ZNF641: variants seen among roughly 807,000 people sequenced by gnomAD.
ZNF641 encodes the protein zinc finger protein 641.
ZNF641 carries 26 observed loss-of-function variants against 46.2 expected under a neutral mutation model. That is an observed-to-expected ratio of 0.56 (90% confidence interval 0.41 to 0.78). ZNF641 has a LOEUF of 0.78. Ranked by LOEUF, ZNF641 falls within the 30% of genes least tolerant of loss-of-function variation. ZNF641 has a pLI of 0.00. For synonymous variants in ZNF641, 163 were observed against 187.9 expected (o/e 0.87, Z 1.09); for missense variants, 469 against 517.8 (o/e 0.91, Z 0.91).
rs776373707 is a variant in ZNF641, at chr12:48,343,470, C to A, written c.778G>T (p.Val260Leu). The stretch of plus-strand genomic sequence containing the variant: ...TGCCTGGCAAGGTGGGAACCCCATA[C>A]AAACTGTTTCCCACACTGGGGGCAT... ...HTCPQCGKQF[V>L]WGSHLARHQQ... The change falls in exon 6 of 6, where the codon GTA (valine) becomes TTA (leucine). Residue 260 changes from valine to leucine, a missense_variant. By Grantham distance (32) the Val-to-Leu change is conservative. This residue lies in a region of ZNF641 where 346 missense variants were observed against 354.0 expected (regional missense o/e 0.98). Coordinates refer to ENST00000547026, the MANE Select transcript of ZNF641 (RefSeq NM_001172681.2). 1 of 1,614,060 alleles carries A rather than the reference C, an allele frequency of 6.2e-7. No homozygotes were observed. The highest frequency in any genetic ancestry group is 8.5e-7 in the Non-Finnish European group (1 of 1,179,924).
rs1315675148 is a variant in ZNF641, at chr12:48,339,808, G to T, written c.*3165C>A. On this transcript the variant is annotated 3_prime_UTR_variant, in exon 6 of 6. Transcript: ENST00000547026. ...AAGCCATAACATTACTTTGACAAGG[G>T]AAAAGTTTTTCCTTCCACAATTAGA... 3 of 530,334 alleles carry T rather than the reference G, an allele frequency of 5.7e-6. No homozygotes were observed. Among genetic ancestry groups the T allele is most frequent in the Non-Finnish European group, 7.2e-6 (3 of 413,900 alleles). The allele number at this position is 530,334 out of a possible 1,614,324, so 32.9% of individuals were successfully genotyped here. A position where few individuals can be genotyped will look rare whatever the true frequency, so the allele number is the denominator to read the frequency against.
rs182137970 is a variant in ZNF641, at chr12:48,347,109, G to A, written c.276+143C>T. The A allele has an allele frequency of 3.3e-4, 473 of 1,432,480 alleles. 3 individuals carry two copies. In the African/African-American group the frequency reaches 6.4e-3, roughly 19 times the overall value. 88.7% of individuals were successfully genotyped at this position (1,432,480 alleles called of 1,614,324 possible). A position where few individuals can be genotyped will look rare whatever the true frequency, so the allele number is the denominator to read the frequency against. On this transcript the variant is annotated intron_variant, in intron 3 of 5. Coordinates refer to ENST00000547026, the MANE Select transcript of ZNF641 (RefSeq NM_001172681.2). ...TTTTCCAAGGGTCTTATGACCCCTT[G>A]GAAAGGGATAGAATCTATTCAGTTA... is the stretch of plus-strand genomic sequence containing the variant.
chr12:48,350,921 C>A (rs550747873), upstream of ZNF641: 1 of 930,570 alleles, frequency 1.1e-6, no homozygotes, highest in South Asian at 4.9e-5. Context: ...CCGGCAGGCG[C>A]GGGCGGGGCG....
Position 48,348,040 on chromosome 12 carries a change from A to G in ZNF641, c.51T>C (p.Asn17=). 6.2e-7 allele frequency: 1 copy of G among 1,614,158 alleles called. No homozygotes were observed. The highest frequency in any genetic ancestry group is 8.5e-7 in the Non-Finnish European group (1 of 1,180,034). ...GGGGCTCTGCTCCATCCAGCTGTAC[A>G]TTCATTGATTCCCATCCTGTCCCCA... ...AALGTGWESM[N]VQLDGAEPQV... The change falls in exon 2 of 6, where the codon AAT becomes AAC. Residue 17 remains asparagine (N), a synonymous_variant. Coordinates refer to ENST00000547026, the MANE Select transcript of ZNF641 (RefSeq NM_001172681.2).
At chr12:48,348,605 A>G (rs1952945580) in intron 1 of ZNF641, among the ~76,000 whole-genome samples, 1 of 152,252 alleles carries the variant, frequency 6.6e-6, no homozygotes, top group African/African-American at 2.4e-5. Context: ...TATAGGTAAA[A>G]GTCCCAACCA....
chr12:48,348,253 T>C lies in ZNF641; in HGVS notation c.-25-138A>G, dbSNP rs144964095. The C allele has an allele frequency of 1.1e-3, 927 of 867,254 alleles. 3 individuals carry two copies. Among genetic ancestry groups the C allele is most frequent in the South Asian group, 1.3e-3 (78 of 58,884 alleles). The allele number at this position is 867,254 out of a possible 1,614,324, so 53.7% of individuals were successfully genotyped here. On this transcript the variant is annotated intron_variant, in intron 1 of 5. Coordinates refer to ENST00000547026, the MANE Select transcript of ZNF641 (RefSeq NM_001172681.2). Reference sequence around the variant, plus strand: ...TTGCTGGAAGATGAACTTTAAAAGCTTGATGTGTTCCGATCAACGGAGCCT... The same window carrying C: ...TTGCTGGAAGATGAACTTTAAAAGCCTGATGTGTTCCGATCAACGGAGCCT...
chr12:48,349,637 A>T (rs1952973781), intron 1 of ZNF641, among the ~76,000 whole-genome samples: 1 of 152,252 alleles, frequency 6.6e-6, no homozygotes, highest in African/African-American at 2.4e-5. Flanking sequence ...TCAGGGCCTC[A>T]TGGGAGCACC....
Position 48,350,811 on chromosome 12 carries a change from G to A in ZNF641, c.-51C>T, listed in dbSNP as rs958157220. 6.7e-5 allele frequency: 66 copies of A among 984,540 alleles called. No individual in the cohort carries two copies. The highest frequency in any genetic ancestry group is 7.6e-5 in the Non-Finnish European group (63 of 829,292). The allele number at this position is 984,540 out of a possible 1,614,324, so 61.0% of individuals were successfully genotyped here. A position where few individuals can be genotyped will look rare whatever the true frequency, so the allele number is the denominator to read the frequency against. ...CCCCGGTAGGCTTGGCCCGCGGCCC[G>A]GTGCCTCCCTCCCGGGCGCCGCCTG... On this transcript the variant is annotated 5_prime_UTR_variant, in exon 1 of 6. Transcript: ENST00000547026.
In ZNF641 at chr12:48,342,717, G is replaced by T; in HGVS notation, c.*256C>A. On this transcript the variant is annotated 3_prime_UTR_variant, in exon 6 of 6. Transcript: ENST00000547026. ...ACTGCCAGTACCACTCTCCTCTTGA[G>T]AACAGCTCAGGCTGAATATCAGCCC... is the stretch of plus-strand genomic sequence containing the variant. 1 of 1,217,982 alleles carries T rather than the reference G, an allele frequency of 8.2e-7. No homozygotes were observed. The highest frequency in any genetic ancestry group is 1.1e-6 in the Non-Finnish European group (1 of 938,638). The allele number at this position is 1,217,982 out of a possible 1,614,324, so 75.4% of individuals were successfully genotyped here. A position where few individuals can be genotyped will look rare whatever the true frequency, so the allele number is the denominator to read the frequency against.
At position 48,339,923 on chromosome 12, in the gene ZNF641, T is replaced by G. The variant is rs1336805838; in HGVS notation, c.*3050A>C. On this transcript the variant is annotated 3_prime_UTR_variant, in exon 6 of 6. Transcript: ENST00000547026. ...AAGGGATTCTTTGAAAGATACTATGTTGGGGTGGAAAGGGGAGGATACTCA... is the reference window on the plus strand; with the variant it reads ...AAGGGATTCTTTGAAAGATACTATGGTGGGGTGGAAAGGGGAGGATACTCA... 2 of 984,378 alleles carry G rather than the reference T, an allele frequency of 2.0e-6. No individual in the cohort carries two copies. The highest frequency in any genetic ancestry group is 2.4e-6 in the Non-Finnish European group (2 of 829,106). The allele number at this position is 984,378 out of a possible 1,614,324, so 61.0% of individuals were successfully genotyped here. A position where few individuals can be genotyped will look rare whatever the true frequency, so the allele number is the denominator to read the frequency against.
At chr12:48,343,766 C>A in intron 5 of ZNF641, 39 bp from the exon 6 acceptor site, 1 of 1,440,664 alleles carries the variant, frequency 6.9e-7, no homozygotes, top group South Asian at 1.5e-5. Flanking sequence ...AGAGAAGAGT[C>A]ACAAGAGAGT....
At chr12:48,346,673 T>A (rs1952880600) in intron 3 of ZNF641, among the ~76,000 whole-genome samples, 1 of 152,152 alleles carries the variant, frequency 6.6e-6, no homozygotes, top group African/African-American at 2.4e-5. Context: ...AATTAATTAT[T>A]CTTAAAATCC....
chr12:48,346,757 C>T (rs1952882623), intron 3 of ZNF641, among the ~76,000 whole-genome samples: 1 of 152,120 alleles, frequency 6.6e-6, no homozygotes, highest in African/African-American at 2.4e-5. Flanking sequence ...ATACCTGTGA[C>T]CCCAGCACTT....
At chr12:48,349,993 C>T (rs1952982732) in intron 1 of ZNF641, 2 of 1,610,120 alleles carry the variant, frequency 1.2e-6, no homozygotes, top group Non-Finnish European at 8.5e-7. Context: ...ATACCACTGA[C>T]AGAAATCCGT....
chr12:48,343,440 G>T lies in ZNF641; in HGVS notation c.808C>A (p.Gln270Lys), dbSNP rs778562266. 6.2e-7 allele frequency: 1 copy of T among 1,614,158 alleles called. No individual in the cohort carries two copies. Among genetic ancestry groups the T allele is most frequent in the Non-Finnish European group, 8.5e-7 (1 of 1,179,970 alleles). Residue 270 changes from glutamine (Q) to lysine (K), a missense_variant, in exon 6 of 6, where the codon CAA becomes AAA. Transcript: ENST00000547026. ...TAGGGTCTCTCCCCAGTGTGTGTTT[G>T]TTGATGCCTGGCAAGGTGGGAACCC... ...VWGSHLARHQ[Q>K]THTGERPYSC...
Position 48,347,312 on chromosome 12 carries a change from G to C in ZNF641, c.216C>G (p.Pro72=), listed in dbSNP as rs186680557. Residue 72 remains proline (P), a synonymous_variant, in exon 3 of 6, where the codon CCC becomes CCG. Coordinates refer to ENST00000547026, the MANE Select transcript of ZNF641 (RefSeq NM_001172681.2). ...AQSAPWVPAI[P]QEGNTGDWEM... ...CCCAGTCTCCAGTGTTCCCCTCCTG[G>C]GGAATTGCAGGAACCCAGGGAGCAG... 8 of 1,613,376 alleles carry C rather than the reference G, an allele frequency of 5.0e-6. No individual in the cohort carries two copies. In the Admixed American group the frequency reaches 1.3e-4, roughly 27 times the overall value.
In ZNF641 at chr12:48,342,947, G is replaced by T; in HGVS notation, c.*26C>A. ...CCTGGTAGCACCGGCTGATAGACTT[G>T]ACCATAGCTGTAGTGGAAACAGATT... On this transcript the variant is annotated 3_prime_UTR_variant, in exon 6 of 6. Transcript: ENST00000547026. 6.3e-7 allele frequency: 1 copy of T among 1,581,684 alleles called. No homozygotes were observed. Among genetic ancestry groups the T allele is most frequent in the South Asian group, 1.2e-5 (1 of 84,366 alleles).
chr12:48,346,634 C>G (rs1465958517), intron 3 of ZNF641, among the ~76,000 whole-genome samples: 1 of 152,166 alleles, frequency 6.6e-6, no homozygotes, highest in East Asian at 1.9e-4. Context: ...TTTTCCTAAT[C>G]TTTCCAGATT....
chr12:48,338,260 G>C lies in ZNF641; in HGVS notation c.*4713C>G, dbSNP rs1323247809. On this transcript the variant is annotated 3_prime_UTR_variant, in exon 6 of 6. Coordinates refer to ENST00000547026, the MANE Select transcript of ZNF641 (RefSeq NM_001172681.2). ...AATGGAAGAAGGAATGGGGGTTGGA[G>C]AGAACAAATGCCCTTGGAAGGGCAT... 2.6e-5 allele frequency: 4 copies of C among 152,248 alleles called. No individual in the cohort carries two copies. The highest frequency in any genetic ancestry group is 9.6e-5 in the African/African-American group (4 of 41,452). 9.4% of individuals were successfully genotyped at this position (152,248 alleles called of 1,614,324 possible). A position where few individuals can be genotyped will look rare whatever the true frequency, so the allele number is the denominator to read the frequency against.
Sources: gnomAD v4.1 joint callset for allele counts (sites outside exome capture counted in the v4.1 genomes callset) on GRCh38, gnomAD v4.1.1 for gene constraint, gnomAD v4.1.1 regional missense constraint, MANE v1.5 for transcripts, NCBI Gene and HGNC (gene_info 2026-07-23, HGNC 2026-07-21) for gene names.